The following CDKAL1 variants were observed in gnomAD, a reference collection of about 807,000 sequenced individuals.
CDKAL1 encodes CDKAL1 threonylcarbamoyladenosine tRNA methylthiotransferase, also known as threonylcarbamoyladenosine tRNA methylthiotransferase.
In CDKAL1, 32 loss-of-function variants were observed where a neutral mutation model predicts 68.2. The ratio of observed to expected loss-of-function variants is 0.47; its 90% CI spans 0.35 to 0.63. The LOEUF (loss-of-function observed/expected upper bound fraction) is 0.63. Ranked by LOEUF, CDKAL1 falls within the 30% of genes least tolerant of loss-of-function variation. The pLI, the probability that CDKAL1 is intolerant of heterozygous loss-of-function variation, is 0.00. For missense variants in CDKAL1, 606 were observed against 696.7 expected, an observed-to-expected ratio of 0.87 and a Z score of 1.47; for synonymous variants, 234 against 244.3, an observed-to-expected ratio of 0.96 and a Z score of 0.39.
chr6:21,011,166 C>G (rs1767997239), intron 11 of CDKAL1, among the ~76,000 whole-genome samples: 1 of 150,032 alleles, frequency 6.7e-6, no homozygotes, highest in South Asian at 2.1e-4. Context: ...ATCACAAGGT[C>G]AGGGGATTGA....
At chr6:21,139,488 A>T (rs1167199187) in intron 13 of CDKAL1, among the ~76,000 whole-genome samples, 2 of 152,282 alleles carry the variant, frequency 1.3e-5, no homozygotes, top group Non-Finnish European at 2.9e-5. Flanking sequence ...TTTAGTGCAA[A>T]ATCAGTTTTA....
Position 20,854,361 on chromosome 6 carries a change from A to G in CDKAL1, c.742+8183A>G, listed in dbSNP as rs114867081. The stretch of plus-strand genomic sequence containing the variant: ...GAAGTCTCTGAAAGAAAGAAACCAA[A>G]TGGTGACTCTTTAACTAAGGTAACT... On this transcript the variant is annotated intron_variant, in intron 9 of 15. Coordinates refer to ENST00000274695, the MANE Select transcript of CDKAL1 (RefSeq NM_017774.3). Among the ~76,000 whole-genome samples, 1,290 of 152,312 alleles carry G rather than the reference A, an allele frequency of 8.5e-3. 20 individuals carry two copies. The highest frequency in any genetic ancestry group is 0.029 in the African/African-American group (1,214 of 41,562).
chr6:21,101,057 A>G (rs1773552751), intron 12 of CDKAL1, among the ~76,000 whole-genome samples: 1 of 152,224 alleles, frequency 6.6e-6, no homozygotes, highest in African/African-American at 2.4e-5. Context: ...TGTGCCCCAG[A>G]GGAATTCTTG....
Position 20,673,485 on chromosome 6 carries a change from G to A in CDKAL1, c.371+24108G>A, listed in dbSNP as rs183427146. ...AAAAGATCTGTACATGTTTAGTACG[G>A]ACACAGTTGTTTTCCCCTGAGTATT... On this transcript the variant is annotated intron_variant, in intron 5 of 15. Transcript: ENST00000274695. Among the ~76,000 whole-genome samples, 225 of 152,276 alleles carry A rather than the reference G, an allele frequency of 1.5e-3. 1 individual carries two copies. Among genetic ancestry groups the A allele is most frequent in the Non-Finnish European group, 2.5e-3 (173 of 68,026 alleles).
intron 4 of CDKAL1, among the ~76,000 whole-genome samples, chr6:20,563,442 C>T (rs540645188): frequency 5.3e-4 from 80 of 152,248 alleles, no homozygotes; most frequent in African/African-American, 1.7e-3. Flanking sequence ...CCATTTGTAA[C>T]GGCTTTTTAT....
intron 5 of CDKAL1, among the ~76,000 whole-genome samples, chr6:20,650,349 G>T (rs1768699658): frequency 6.6e-6 from 1 of 151,960 alleles, no homozygotes; most frequent in African/African-American, 2.4e-5. Context: ...TTTTTTTGCT[G>T]CATAAATGTC....
At chr6:20,587,079 C>T (rs1370187945) in intron 4 of CDKAL1, among the ~76,000 whole-genome samples, 6 of 150,728 alleles carry the variant, frequency 4.0e-5, no homozygotes, top group African/African-American at 1.2e-4. Flanking sequence ...CTCTACCTCC[C>T]GGGTTCAAGT....
In CDKAL1 at chr6:20,902,337, AC is replaced by A. The variant is rs1183477481; in HGVS notation, c.743-53081del. 1.3e-3 allele frequency among the ~76,000 whole-genome samples: 192 copies of A among 151,012 alleles called. 3 individuals carry two copies. Among genetic ancestry groups the A allele is most frequent in the African/African-American group, 4.3e-3 (175 of 40,854 alleles). ...CACACACACACACACACACACACACACACACACACACACACACACACAATGT... is the reference window on the plus strand; with the variant it reads ...CACACACACACACACACACACACACAACACACACACACACACACACAATGT... On this transcript the variant is annotated intron_variant, in intron 9 of 15. Transcript: ENST00000274695.
At chr6:20,674,675 GAACTTATT>G (rs2127784614) in intron 5 of CDKAL1, among the ~76,000 whole-genome samples, 1 of 152,230 alleles carries the variant, frequency 6.6e-6, no homozygotes, top group African/African-American at 2.4e-5. Flanking sequence ...TAGAACACTA[GAACTTATT>G]CCTCCTGTCT....
intron 13 of CDKAL1, among the ~76,000 whole-genome samples, chr6:21,192,877 CA>C (rs1778315114): frequency 6.9e-6 from 1 of 145,838 alleles, no homozygotes; most frequent in Admixed American, 7.0e-5. Context: ...TGCAGCTGTG[CA>C]ATCATAGCTC....
intron 11 of CDKAL1, among the ~76,000 whole-genome samples, chr6:21,051,682 A>G (rs1400014655): frequency 6.6e-6 from 1 of 152,180 alleles, no homozygotes; most frequent in Non-Finnish European, 1.5e-5. Flanking sequence ...CACTTTTATT[A>G]GTATTATTAT....
intron 9 of CDKAL1, among the ~76,000 whole-genome samples, chr6:20,949,781 C>T (rs563943562): frequency 6.1e-4 from 93 of 151,704 alleles, no homozygotes; most frequent in Admixed American, 1.7e-3. Context: ...TCAGTGGTCG[C>T]GAAAGTTTTC....
At chr6:20,805,909 G>T (rs1482595468) in intron 8 of CDKAL1, among the ~76,000 whole-genome samples, 1 of 152,214 alleles carries the variant, frequency 6.6e-6, no homozygotes, top group Non-Finnish European at 1.5e-5. Context: ...GTTGCTCAAA[G>T]AGTTGAGGAT....
chr6:21,069,341 G>A (rs1309740800), intron 12 of CDKAL1, among the ~76,000 whole-genome samples: 1 of 152,112 alleles, frequency 6.6e-6, no homozygotes, highest in African/African-American at 2.4e-5. Flanking sequence ...CTGTGTCTGT[G>A]TGTGTGTTTT....
At chr6:20,680,663 C>G (rs1206738401) in intron 5 of CDKAL1, among the ~76,000 whole-genome samples, 2 of 152,286 alleles carry the variant, frequency 1.3e-5, no homozygotes, top group Non-Finnish European at 2.9e-5. Context: ...TGTTATCTCC[C>G]TCTGTCTCTG....
intron 4 of CDKAL1, among the ~76,000 whole-genome samples, chr6:20,600,762 A>G (rs1041118977): frequency 3.9e-5 from 5 of 129,344 alleles, no homozygotes; most frequent in Non-Finnish European, 7.8e-5. Context: ...AGAGAGATAT[A>G]TATGTATACA....
intron 4 of CDKAL1, among the ~76,000 whole-genome samples, chr6:20,598,139 G>C (rs1488863392): frequency 6.6e-6 from 1 of 152,158 alleles, no homozygotes; most frequent in African/African-American, 2.4e-5. Context: ...ATTTTATAGT[G>C]ATGGCATGGG....
At chr6:20,928,049 A>G (rs1763259224) in intron 9 of CDKAL1, among the ~76,000 whole-genome samples, 1 of 152,162 alleles carries the variant, frequency 6.6e-6, no homozygotes, top group Admixed American at 6.6e-5. Flanking sequence ...TGTAGCTTTA[A>G]CCAACTATTT....
chr6:20,896,098 CTTTTCTTTTTTT>C (rs1245886765), intron 9 of CDKAL1, among the ~76,000 whole-genome samples: 1 of 104,128 alleles, frequency 9.6e-6, no homozygotes, highest in Non-Finnish European at 1.9e-5. Flanking sequence ...CTTTTCTTTT[CTTTTCTTTTTTT>C]TTTTTTTTTG....
Sources: allele counts gnomAD v4.1 joint callset (sites outside exome capture counted in the v4.1 genomes callset), GRCh38; gene constraint gnomAD v4.1.1; transcripts MANE v1.5; gene names NCBI Gene and HGNC (gene_info 2026-07-23, HGNC 2026-07-21).